Variants in RHOBTB1 observed in about 807,000 individuals in gnomAD.
RHOBTB1 encodes the protein rho-related BTB domain-containing protein 1.
RHOBTB1 carries 40 observed loss-of-function variants against 71.6 expected under a neutral mutation model. That is an observed-to-expected ratio of 0.56 (90% CI 0.43 to 0.73). RHOBTB1 has a LOEUF of 0.73. Ranked by LOEUF, RHOBTB1 falls within the 30% of genes least tolerant of loss-of-function variation. The probability of loss-of-function intolerance (pLI) is 0.00; values close to 1 mark genes in which losing one functional copy is unlikely to be tolerated. For missense variants in RHOBTB1, 797 were observed against 894.0 expected (o/e 0.89, Z 1.38); for synonymous variants, 319 against 334.9 (o/e 0.95, Z 0.52).
At chr10:60,941,576 T>C (rs943191886) in intron 2 of RHOBTB1, among the ~76,000 whole-genome samples, 1 of 152,174 alleles carries the variant, frequency 6.6e-6, no homozygotes, top group Non-Finnish European at 1.5e-5. Context: ...AAAAGTCGTA[T>C]GATGGACAAA....
At chr10:60,982,217 G>C (rs2086520053) in intron 2 of RHOBTB1, among the ~76,000 whole-genome samples, 1 of 152,090 alleles carries the variant, frequency 6.6e-6, no homozygotes, top group Admixed American at 6.5e-5. Context: ...TATTAAGTGG[G>C]TCACTCTACT....
intron 2 of RHOBTB1, among the ~76,000 whole-genome samples, chr10:60,913,178 G>T (rs1433065726): frequency 6.6e-6 from 1 of 152,208 alleles, no homozygotes; most frequent in African/African-American, 2.4e-5. Flanking sequence ...TTGGAACATG[G>T]ACTGTCTCAG....
intron 2 of RHOBTB1, among the ~76,000 whole-genome samples, chr10:60,960,562 G>T (rs1246437708): frequency 6.6e-6 from 1 of 152,112 alleles, no homozygotes; most frequent in Non-Finnish European, 1.5e-5. Flanking sequence ...TGAACTATTT[G>T]GTTGGATGGA....
intron 2 of RHOBTB1, among the ~76,000 whole-genome samples, chr10:60,952,475 T>A (rs1444335525): frequency 6.6e-6 from 1 of 152,208 alleles, no homozygotes; most frequent in East Asian, 1.9e-4. Context: ...CACAATGACT[T>A]AATGAAGGAG....
At chr10:60,882,485 T>C (rs534008689) in intron 7 of RHOBTB1, among the ~76,000 whole-genome samples, 1 of 152,266 alleles carries the variant, frequency 6.6e-6, no homozygotes, top group East Asian at 1.9e-4. Context: ...ATAAGTAAGA[T>C]ACAATGTTTT....
At chr10:60,933,998 G>T (rs1004098104) in intron 2 of RHOBTB1, among the ~76,000 whole-genome samples, 5 of 152,024 alleles carry the variant, frequency 3.3e-5, no homozygotes, top group African/African-American at 1.2e-4. Context: ...TATAGGATAG[G>T]ATTATAATTC....
chr10:60,861,164 G>A, the RHOBTB1 span, among the ~76,000 whole-genome samples: 1 of 152,212 alleles, frequency 6.6e-6, no homozygotes, highest in Non-Finnish European at 1.5e-5. Context: ...ATAGGGTGAA[G>A]ATGAGAAAGT....
intron 4 of RHOBTB1, among the ~76,000 whole-genome samples, chr10:60,893,442 C>T (rs1008958284): frequency 2.6e-5 from 4 of 152,170 alleles, no homozygotes; most frequent in African/African-American, 4.8e-5. Context: ...TTAAACATTA[C>T]TGAAAATGTA....
At position 60,910,990 on chromosome 10, in the gene RHOBTB1, C is replaced by T; in HGVS notation, c.193G>A (p.Val65Ile). 4 of 1,612,864 alleles carry T rather than the reference C, an allele frequency of 2.5e-6. No homozygotes were observed. Among genetic ancestry groups the T allele is most frequent in the Non-Finnish European group, 3.4e-6 (4 of 1,179,138 alleles). The stretch of plus-strand genomic sequence containing the variant: ...ACAACATCCCGAGAACGCTCCAAGA[C>T]CTGCAGGAGAGAGAGAGAGCATCTG... ...AIDQYRVCQE[V>I]LERSRDVVDE... The change falls in exon 4 of 11, where the codon GTC becomes ATC. Residue 65 changes from valine (V) to isoleucine (I), a missense_variant and splice_region_variant. Transcript: ENST00000337910.
downstream of RHOBTB1, among the ~76,000 whole-genome samples, chr10:60,866,401 A>G (rs1353521827): frequency 6.6e-6 from 1 of 152,246 alleles, no homozygotes; most frequent in African/African-American, 2.4e-5. Flanking sequence ...AATTATGCAC[A>G]TGAAACAACA....
At chr10:60,896,833 G>A (rs760678444) in intron 4 of RHOBTB1, among the ~76,000 whole-genome samples, 20 of 152,130 alleles carry the variant, frequency 1.3e-4, no homozygotes, top group African/African-American at 2.4e-4. Flanking sequence ...GAAATAAATC[G>A]AAATGTTGAA....
intron 2 of RHOBTB1, among the ~76,000 whole-genome samples, chr10:60,957,160 T>G (rs1363253625): frequency 6.6e-6 from 1 of 152,158 alleles, no homozygotes; most frequent in Non-Finnish European, 1.5e-5. Flanking sequence ...ACACTTAACT[T>G]AAAATATATA....
At position 60,892,955 on chromosome 10, in the gene RHOBTB1, TG is replaced by T. The variant is rs1390372199; in HGVS notation, c.336del (p.Asn113IlefsTer3). 3 of 1,614,034 alleles carry T rather than the reference TG, an allele frequency of 1.9e-6. No homozygotes were observed. Among genetic ancestry groups the T allele is most frequent in the Non-Finnish European group, 1.7e-6 (2 of 1,179,962 alleles). ...VVVLCFSIAN[P>X]NSLNHVKSMW... ...ATGCTTTTCACATGATTTAGGGAAT[TG>T]GGATTAGCAATCGAAAAACAGAGGA... On this transcript the variant is annotated frameshift_variant, in exon 5 of 11. Coordinates refer to ENST00000337910, the MANE Select transcript of RHOBTB1 (RefSeq NM_014836.5). LOFTEE classifies it high-confidence loss of function.
intron 2 of RHOBTB1, among the ~76,000 whole-genome samples, chr10:60,956,701 A>G (rs2085606227): frequency 6.6e-6 from 1 of 151,716 alleles, no homozygotes; most frequent in Non-Finnish European, 1.5e-5. Context: ...AAACACACAC[A>G]TTAGCCTAGG....
At chr10:60,969,855 A>T (rs1193241897) in intron 2 of RHOBTB1, among the ~76,000 whole-genome samples, 1 of 152,112 alleles carries the variant, frequency 6.6e-6, no homozygotes, top group Non-Finnish European at 1.5e-5. Flanking sequence ...GAATAATAAT[A>T]CCTTGGATGA....
intron 2 of RHOBTB1, among the ~76,000 whole-genome samples, chr10:60,918,077 C>G (rs1482335458): frequency 6.6e-6 from 1 of 152,164 alleles, no homozygotes; most frequent in Admixed American, 6.5e-5. Flanking sequence ...TCAAAGTGCC[C>G]ATTTCATACA....
intron 8 of RHOBTB1, among the ~76,000 whole-genome samples, chr10:60,876,505 G>A (rs1328208104): frequency 6.6e-6 from 1 of 152,116 alleles, no homozygotes; most frequent in Non-Finnish European, 1.5e-5. Flanking sequence ...ACCTTGTTGG[G>A]CAGATTTGGC....
chr10:60,917,886 A>G (rs892068930), intron 2 of RHOBTB1, among the ~76,000 whole-genome samples: 2 of 152,188 alleles, frequency 1.3e-5, no homozygotes, highest in African/African-American at 2.4e-5. Context: ...AAGATTTCCT[A>G]ACTAACCCTC....
At chr10:60,873,952 T>G (rs2080922404) in intron 9 of RHOBTB1, among the ~76,000 whole-genome samples, 1 of 152,174 alleles carries the variant, frequency 6.6e-6, no homozygotes, top group African/African-American at 2.4e-5. Flanking sequence ...AATGAATAGG[T>G]CGCTGTAAAG....
Sources: allele counts gnomAD v4.1 joint callset (sites outside exome capture counted in the v4.1 genomes callset), GRCh38; gene constraint gnomAD v4.1.1; transcripts MANE v1.5; gene names NCBI Gene and HGNC (gene_info 2026-07-23, HGNC 2026-07-21).